HYAL4: variants seen among roughly 807,000 people sequenced by gnomAD.
HYAL4 encodes hyaluronidase-4.
HYAL4 carries 37 observed loss-of-function variants against 35.2 expected under a neutral mutation model. The observed-to-expected ratio is 1.05, with a 90% CI of 0.81 to 1.38. The LOEUF (loss-of-function observed/expected upper bound fraction) is 1.38, where lower values mean the gene tolerates loss of function less well. Among genes scored for constraint, HYAL4 ranks in the 40% most tolerant of loss-of-function variants. The pLI is 0.00. For synonymous variants in HYAL4, 198 were observed against 203.2 expected, an observed-to-expected ratio of 0.97 and a Z score of 0.22; for missense variants, 572 against 572.4, an observed-to-expected ratio of 1.00 and a Z score of 0.01.
At chr7:123,806,217 G>A in the HYAL4 span, among the ~76,000 whole-genome samples, 1 of 152,100 alleles carries the variant, frequency 6.6e-6, no homozygotes, top group Non-Finnish European at 1.5e-5. Flanking sequence ...TGTTGCACTG[G>A]GAGCAGCTGG....
the HYAL4 span, among the ~76,000 whole-genome samples, chr7:123,811,042 T>C: frequency 1.3e-5 from 2 of 152,252 alleles, no homozygotes; most frequent in African/African-American, 2.4e-5. Context: ...TAGCACTGAA[T>C]AATATTCCAT....
chr7:123,786,110 C>T, the HYAL4 span, among the ~76,000 whole-genome samples: 1 of 152,148 alleles, frequency 6.6e-6, no homozygotes, highest in East Asian at 1.9e-4. Context: ...CATGATTCAC[C>T]TTTTAATTTA....
chr7:123,797,140 G>T, the HYAL4 span, among the ~76,000 whole-genome samples: 1 of 152,184 alleles, frequency 6.6e-6, no homozygotes, highest in South Asian at 2.1e-4. Flanking sequence ...CAGGTAAAAA[G>T]TATCCTTAAG....
intron 4 of HYAL4, among the ~76,000 whole-genome samples, chr7:123,876,323 C>T (rs1012292591): frequency 1.3e-4 from 20 of 152,158 alleles, no homozygotes; most frequent in Middle Eastern, 6.4e-3. Context: ...AAGGAAGGCC[C>T]CACATACCTG....
intron 2 of HYAL4, among the ~76,000 whole-genome samples, chr7:123,863,129 C>A (rs1287073270): frequency 3.9e-5 from 6 of 152,156 alleles, no homozygotes; most frequent in Non-Finnish European, 8.8e-5. Context: ...TCTTTGTTAT[C>A]ATAATTTGCA....
chr7:123,827,408 G>A (rs1317366248), upstream of HYAL4, among the ~76,000 whole-genome samples: 1 of 152,082 alleles, frequency 6.6e-6, no homozygotes, highest in African/African-American at 2.4e-5. Flanking sequence ...GACTCCTGCC[G>A]ACCTTTGTCT....
At chr7:123,778,634 A>C in the HYAL4 span, among the ~76,000 whole-genome samples, 1 of 152,164 alleles carries the variant, frequency 6.6e-6, no homozygotes, top group Non-Finnish European at 1.5e-5. Context: ...GCACAACAAA[A>C]GTGAAGTTGT....
At chr7:123,868,033 T>C (rs1277948622) in intron 2 of HYAL4, among the ~76,000 whole-genome samples, 190 bp from the exon 3 acceptor site, 1 of 152,196 alleles carries the variant, frequency 6.6e-6, no homozygotes, top group African/African-American at 2.4e-5. Flanking sequence ...GTTTGTTGAA[T>C]TGCATTTCCT....
intron 2 of HYAL4, among the ~76,000 whole-genome samples, chr7:123,863,086 C>T (rs2116948052): frequency 6.6e-6 from 1 of 152,312 alleles, no homozygotes; most frequent in Non-Finnish European, 1.5e-5. Context: ...AGGCTTGTTA[C>T]CATCTAGGAA....
At chr7:123,834,522 C>A (rs1805932118) in intron 1 of HYAL4, among the ~76,000 whole-genome samples, 1 of 152,102 alleles carries the variant, frequency 6.6e-6, no homozygotes, top group Non-Finnish European at 1.5e-5. Context: ...GCAGTCATAT[C>A]ATCAGAAAAC....
chr7:123,832,636 A>T (rs1301992949), intron 1 of HYAL4, among the ~76,000 whole-genome samples: 1 of 151,162 alleles, frequency 6.6e-6, no homozygotes, highest in Non-Finnish European at 1.5e-5. Flanking sequence ...AATAACTGGG[A>T]CTACAGGTGC....
chr7:123,781,657 A>G, the HYAL4 span, among the ~76,000 whole-genome samples: 4 of 152,214 alleles, frequency 2.6e-5, no homozygotes, highest in African/African-American at 9.6e-5. Context: ...CTATATGTAT[A>G]AAATACACAC....
chr7:123,863,935 A>G (rs985221132), intron 2 of HYAL4, among the ~76,000 whole-genome samples: 11 of 151,778 alleles, frequency 7.2e-5, no homozygotes, highest in Non-Finnish European at 1.3e-4. Context: ...TTTTTTGCAG[A>G]CTCTTGTAGC....
At position 123,859,865 on chromosome 7, in the gene HYAL4, A is replaced by G. The variant is rs185347866; in HGVS notation, c.-51-8358A>G. 3.5e-3 allele frequency among the ~76,000 whole-genome samples: 537 copies of G among 152,294 alleles called. 5 individuals are homozygous for G. The highest frequency in any genetic ancestry group is 5.3e-3 in the Non-Finnish European group (360 of 68,018). Reference sequence around the variant, plus strand: ...TCTCAAATAAATCTCACCCATGCTCACTTCTCTCACTTAGCCACCCTGTTC... The same window carrying G: ...TCTCAAATAAATCTCACCCATGCTCGCTTCTCTCACTTAGCCACCCTGTTC... On this transcript the variant is annotated intron_variant, in intron 2 of 4. Coordinates refer to ENST00000223026, the MANE Select transcript of HYAL4 (RefSeq NM_012269.3).
chr7:123,859,852 C>T (rs926844451), intron 2 of HYAL4, among the ~76,000 whole-genome samples: 1 of 152,166 alleles, frequency 6.6e-6, no homozygotes, highest in Admixed American at 6.6e-5. Context: ...TCAAATAAAT[C>T]TCACCCATGC....
chr7:123,843,543 T>G (rs1025347926), upstream of HYAL4, among the ~76,000 whole-genome samples: 2 of 152,030 alleles, frequency 1.3e-5, no homozygotes, highest in Non-Finnish European at 2.9e-5. Context: ...AATGTTGGCC[T>G]GCCTTGCTGT....
intron 3 of HYAL4, among the ~76,000 whole-genome samples, chr7:123,871,110 C>T (rs1806869519): frequency 1.3e-5 from 2 of 151,942 alleles, no homozygotes; most frequent in Admixed American, 1.3e-4. Flanking sequence ...CTCTTTTTTT[C>T]CGAGTGGCAA....
At chr7:123,872,003 ATTAG>A (rs904840732) in intron 3 of HYAL4, among the ~76,000 whole-genome samples, 5 of 152,150 alleles carry the variant, frequency 3.3e-5, no homozygotes, top group Non-Finnish European at 5.9e-5. Context: ...ATTATTTATT[ATTAG>A]TTTTTCATTT....
At chr7:123,799,028 G>A in the HYAL4 span, among the ~76,000 whole-genome samples, 38,401 of 151,988 alleles carry the variant, frequency 0.25, 5,177 homozygotes, top group Middle Eastern at 0.35. Flanking sequence ...AGAACACTAC[G>A]CTTGCAACTA....
Sources: allele counts gnomAD v4.1 joint callset (sites outside exome capture counted in the v4.1 genomes callset), GRCh38; gene constraint gnomAD v4.1.1; transcripts MANE v1.5; gene names NCBI Gene and HGNC (gene_info 2026-07-23, HGNC 2026-07-21).